The following KCNAB1 variants were observed in gnomAD, a reference collection of about 807,000 sequenced individuals.
The protein encoded by KCNAB1 is potassium voltage-gated channel subfamily A regulatory beta subunit 1, also known as voltage-gated potassium channel subunit beta-1.
A neutral mutation model predicts 64.6 loss-of-function variants in KCNAB1; 35 were observed. The ratio of observed to expected loss-of-function variants is 0.54; its 90% CI spans 0.41 to 0.72. The LOEUF (loss-of-function observed/expected upper bound fraction) is 0.72. Among genes scored for constraint, KCNAB1 ranks in the 30% least tolerant of loss-of-function variants. KCNAB1 has a pLI of 0.00. For missense variants in KCNAB1, 401 were observed against 512.9 expected (o/e 0.78, Z 2.11); for synonymous variants, 177 against 183.8 (o/e 0.96, Z 0.30).
chr3:156,284,399 A>C (rs1031153354), intron 1 of KCNAB1, among the ~76,000 whole-genome samples: 23 of 152,356 alleles, frequency 1.5e-4, no homozygotes, highest in African/African-American at 5.3e-4. Flanking sequence ...GTAAGTCTGC[A>C]GAAGTTACTG....
chr3:156,493,970 C>T (rs1357969536), intron 8 of KCNAB1, among the ~76,000 whole-genome samples: 1 of 152,088 alleles, frequency 6.6e-6, no homozygotes, highest in Non-Finnish European at 1.5e-5. Flanking sequence ...CAGGCTTCTC[C>T]ACTGTAAAGT....
At chr3:156,427,167 G>A (rs957910792) in intron 2 of KCNAB1, among the ~76,000 whole-genome samples, 1 of 152,204 alleles carries the variant, frequency 6.6e-6, no homozygotes, top group African/African-American at 2.4e-5. Context: ...GGGTGGATGA[G>A]CTGAAATCTC....
At chr3:156,441,662 G>GT (rs377734060) in intron 2 of KCNAB1, among the ~76,000 whole-genome samples, 2 of 152,080 alleles carry the variant, frequency 1.3e-5, no homozygotes, top group Non-Finnish European at 1.5e-5. Flanking sequence ...CTAACACTGT[G>GT]TTTTTTATCT....
intron 1 of KCNAB1, among the ~76,000 whole-genome samples, chr3:156,415,574 G>A (rs1576836807): frequency 4.6e-5 from 7 of 152,008 alleles, no homozygotes; most frequent in Admixed American, 4.6e-4. Flanking sequence ...CACTCGCTGC[G>A]CTCTATCTCA....
chr3:156,222,881 A>G (rs1715873368), intron 1 of KCNAB1, among the ~76,000 whole-genome samples: 1 of 152,228 alleles, frequency 6.6e-6, no homozygotes. Context: ...CTTTGAACTG[A>G]ATGATAATAG....
At chr3:156,354,163 T>C (rs1383352378) in intron 1 of KCNAB1, among the ~76,000 whole-genome samples, 1 of 148,022 alleles carries the variant, frequency 6.8e-6, no homozygotes, top group African/African-American at 2.5e-5. Context: ...TATATATGTA[T>C]ATATTTTTTT....
intron 1 of KCNAB1, among the ~76,000 whole-genome samples, chr3:156,187,268 C>A (rs1017059194): frequency 6.6e-6 from 1 of 152,156 alleles, no homozygotes; most frequent in Non-Finnish European, 1.5e-5. Context: ...TTATACACTC[C>A]CCATGAGTTG....
At chr3:156,143,569 G>GTTTTTTTTTTTTTTTTTTTTTTTTTTTT (rs56216211) in intron 1 of KCNAB1, 1 of 281,598 alleles carries the variant, frequency 3.6e-6, no homozygotes, top group African/African-American at 2.9e-5. Context: ...TTGCATTCTT[G>GTTTTTTTTTTTTTTTTTTTTTTTTTTTT]TTTTTTTTTT....
intron 1 of KCNAB1, among the ~76,000 whole-genome samples, chr3:156,381,015 C>T (rs369100069): frequency 9.9e-5 from 15 of 152,170 alleles, no homozygotes; most frequent in Non-Finnish European, 1.8e-4. Flanking sequence ...GGATGTGAGG[C>T]GATGCATTTG....
At chr3:156,499,305 G>A (rs2108363824) in intron 8 of KCNAB1, among the ~76,000 whole-genome samples, 1 of 152,026 alleles carries the variant, frequency 6.6e-6, no homozygotes, top group Non-Finnish European at 1.5e-5. Context: ...TCTTCAAAGG[G>A]GACCCATTTT....
chr3:156,370,216 T>G (rs1040107310), intron 1 of KCNAB1, among the ~76,000 whole-genome samples: 1 of 152,210 alleles, frequency 6.6e-6, no homozygotes, highest in Admixed American at 6.5e-5. Flanking sequence ...GCTCCTCTGA[T>G]GTCAGCACTA....
At chr3:156,242,662 C>T (rs1717225394) in intron 1 of KCNAB1, among the ~76,000 whole-genome samples, 1 of 151,780 alleles carries the variant, frequency 6.6e-6, no homozygotes, top group African/African-American at 2.4e-5. Context: ...GTTTATTCTT[C>T]TAAAGCATCT....
upstream of KCNAB1, among the ~76,000 whole-genome samples, chr3:156,118,514 C>A (rs966645511): frequency 2.6e-5 from 4 of 152,172 alleles, no homozygotes; most frequent in Non-Finnish European, 1.5e-5. Flanking sequence ...CTCTCAATGA[C>A]AGGAGTGTCA....
intron 1 of KCNAB1, among the ~76,000 whole-genome samples, chr3:156,358,096 A>G (rs1272169374): frequency 6.6e-6 from 1 of 152,216 alleles, no homozygotes; most frequent in Non-Finnish European, 1.5e-5. Flanking sequence ...TGAGTAAACA[A>G]CAGCCACCTG....
chr3:156,220,167 G>T (rs575804497), intron 1 of KCNAB1, among the ~76,000 whole-genome samples: 2 of 152,066 alleles, frequency 1.3e-5, no homozygotes, highest in Non-Finnish European at 2.9e-5. Flanking sequence ...GAATAGTGCC[G>T]TAATAAATAT....
At chr3:156,130,165 T>C (rs1405063245) in intron 1 of KCNAB1, among the ~76,000 whole-genome samples, 1 of 152,244 alleles carries the variant, frequency 6.6e-6, no homozygotes, top group Admixed American at 6.5e-5. Flanking sequence ...AAAGTATATG[T>C]GAAAATGCTC....
chr3:156,360,165 A>T (rs1725508635), intron 1 of KCNAB1, among the ~76,000 whole-genome samples: 1 of 152,240 alleles, frequency 6.6e-6, no homozygotes, highest in Admixed American at 6.5e-5. Context: ...ATATTACCAT[A>T]TTCAAAAATT....
chr3:156,467,604 C>G (rs1203714429), intron 7 of KCNAB1, among the ~76,000 whole-genome samples: 2 of 151,154 alleles, frequency 1.3e-5, no homozygotes, highest in Non-Finnish European at 2.9e-5. Context: ...TCTATCCATC[C>G]ATCCAAACAC....
upstream of KCNAB1, chr3:156,118,265 G>T: frequency 2.2e-6 from 1 of 451,638 alleles, no homozygotes. Context: ...GCTCAAGCTG[G>T]CTGTTGTCTG....
Sources: gnomAD v4.1 joint callset for allele counts (sites outside exome capture counted in the v4.1 genomes callset) on GRCh38, gnomAD v4.1.1 for gene constraint, MANE v1.5 for transcripts, NCBI Gene and HGNC (gene_info 2026-07-23, HGNC 2026-07-21) for gene names.